COCH: variants seen among roughly 807,000 people sequenced by gnomAD.
COCH encodes coagulation factor C homolog, cochlin (Limulus polyphemus).
COCH carries 40 observed loss-of-function variants against 54.8 expected under a neutral mutation model. The observed-to-expected ratio is 0.73, with a 90% CI of 0.57 to 0.95. The LOEUF (loss-of-function observed/expected upper bound fraction) is 0.95. COCH is among the 40% of genes least tolerant of loss of function. COCH has a pLI of 0.00. For missense variants in COCH, 605 were observed against 675.0 expected, an observed-to-expected ratio of 0.90 and a Z score of 1.15; for synonymous variants, 256 against 237.9, an observed-to-expected ratio of 1.08 and a Z score of -0.70.
chr14:30,884,891 C>T (rs777482550), intron 9 of COCH: 4 of 1,580,142 alleles, frequency 2.5e-6, no homozygotes, highest in African/African-American at 2.7e-5. Context: ...TTAGAATTCT[C>T]ATACATTGGA....
downstream of COCH, among the ~76,000 whole-genome samples, chr14:30,893,548 C>T (rs547998085): frequency 1.3e-5 from 2 of 152,276 alleles, no homozygotes; most frequent in African/African-American, 4.8e-5. Flanking sequence ...GCAAATAGAA[C>T]AACACTGCCA....
At chr14:30,889,375 A>ATGACTTACCTGTT (rs1895903472) in intron 11 of COCH, 2 of 504,286 alleles carry the variant, frequency 4.0e-6, no homozygotes, top group Admixed American at 6.6e-5. Flanking sequence ...CTTATCAGTG[A>ATGACTTACCTGTT]TGACTTACCT....
At position 30,874,715 on chromosome 14, in the gene COCH, T is replaced by C. The variant is rs941492932; in HGVS notation, c.-24+124T>C. 3 of 620,538 alleles carry C rather than the reference T, an allele frequency of 4.8e-6. No individual in the cohort carries two copies. In the African/African-American group the frequency reaches 5.5e-5, roughly 11 times the overall value. 38.4% of individuals were successfully genotyped at this position (620,538 alleles called of 1,614,324 possible). ...CCCCCGCCTCCCCGCGGTGCGGGGT[T>C]GCACACCGATCCTGGGCTTCGCTCG... On this transcript the variant is annotated intron_variant, in intron 1 of 11. Coordinates refer to ENST00000396618, the MANE Select transcript of COCH (RefSeq NM_004086.3).
chr14:30,890,501 G>A lies in COCH; in HGVS notation c.*710G>A. ...CACCTAAGTACTTAAAAGTTAAGTT[G>A]GTAAAGTATTTACTGACTGCTTATA... On this transcript the variant is annotated 3_prime_UTR_variant, in exon 12 of 12. Coordinates refer to ENST00000396618, the MANE Select transcript of COCH (RefSeq NM_004086.3). 4 of 923,986 alleles carry A rather than the reference G, an allele frequency of 4.3e-6. No homozygotes were observed. The highest frequency in any genetic ancestry group is 5.2e-6 in the Non-Finnish European group (4 of 773,970). 57.2% of individuals were successfully genotyped at this position (923,986 alleles called of 1,614,324 possible). A position where few individuals can be genotyped will look rare whatever the true frequency, so the allele number is the denominator to read the frequency against.
chr14:30,884,653 A>G lies in COCH; in HGVS notation c.730A>G (p.Thr244Ala). 1 of 1,598,336 alleles carries G rather than the reference A, an allele frequency of 6.3e-7. No homozygotes were observed. Among genetic ancestry groups the G allele is most frequent in the Non-Finnish European group, 8.6e-7 (1 of 1,165,852 alleles). Residue 244 changes from threonine (T) to alanine (A), a missense_variant, in exon 9 of 12, where the codon ACA becomes GCA. Physicochemically the swap from Thr to Ala is moderately conservative, Grantham distance 58. Transcript: ENST00000396618. ...EVGFRGGNSN[T>A]GKALKHTAQK... is the part of the protein sequence containing the mutation. ...AGGTTTCAGAGGGGGTAATTCCAAT[A>G]CAGGTAAGTAGACTTTGATACCTGG...
intron 11 of COCH, among the ~76,000 whole-genome samples, chr14:30,886,818 A>G (rs1188905319): frequency 6.6e-6 from 1 of 152,196 alleles, no homozygotes; most frequent in African/African-American, 2.4e-5. Flanking sequence ...ATTGGGCTCA[A>G]GCAATCCTCC....
rs1230514875 is a variant in COCH, at chr14:30,877,483, T to C, written c.83-89T>C. 5.9e-6 allele frequency: 9 copies of C among 1,518,570 alleles called. No individual in the cohort carries two copies. Among genetic ancestry groups the C allele is most frequent in the Non-Finnish European group, 7.2e-6 (8 of 1,110,074 alleles). 94.1% of individuals were successfully genotyped at this position (1,518,570 alleles called of 1,614,324 possible). ...ACTAGAAGTGTAGAAATTAGGGAAGTAAAACTTAAATCTCACACTGTAGTC... is the reference window on the plus strand; with the variant it reads ...ACTAGAAGTGTAGAAATTAGGGAAGCAAAACTTAAATCTCACACTGTAGTC... On this transcript the variant is annotated intron_variant, in intron 3 of 11. Transcript: ENST00000396618. The surrounding 1 kb of genome is among the most constrained non-coding windows in gnomAD (Gnocchi z 8.6).
rs753497544 is a variant in COCH, at chr14:30,885,061, G to A, written c.734-333G>A. Reference sequence around the variant, plus strand: ...TTAGAGGTACTAATCAGTCACCAAAGGGCTACATAGAGAGCACATGCATGG... The same window carrying A: ...TTAGAGGTACTAATCAGTCACCAAAAGGCTACATAGAGAGCACATGCATGG... On this transcript the variant is annotated intron_variant, in intron 9 of 11. Coordinates refer to ENST00000396618, the MANE Select transcript of COCH (RefSeq NM_004086.3). 1.1e-5 allele frequency: 17 copies of A among 1,590,046 alleles called. No homozygotes were observed. The South Asian group carries it at 1.9e-4, about 18-fold the overall frequency.
intron 4 of COCH, among the ~76,000 whole-genome samples, chr14:30,878,458 C>T (rs949391813): frequency 7.2e-5 from 11 of 151,990 alleles, no homozygotes; most frequent in African/African-American, 2.4e-4. Flanking sequence ...GTCAGGAGTT[C>T]GAGACCTAGC....
rs530652156 is a variant in COCH, at chr14:30,874,828, C to T, written c.-23-88C>T. 856 of 1,298,156 alleles carry T rather than the reference C, an allele frequency of 6.6e-4. 11 individuals are homozygous for T. In the African/African-American group the frequency reaches 9.2e-3, roughly 14 times the overall value. 80.4% of individuals were successfully genotyped at this position (1,298,156 alleles called of 1,614,324 possible). ...TGTCCTCTCTCCTCTGCGCCGCGCC[C>T]GGGGATCCGAAGGGTGCGGGGCTCT... On this transcript the variant is annotated intron_variant, in intron 1 of 11. Coordinates refer to ENST00000396618, the MANE Select transcript of COCH (RefSeq NM_004086.3).
chr14:30,889,200 G>C (rs1895897173), intron 11 of COCH: 1 of 205,454 alleles, frequency 4.9e-6, no homozygotes, highest in Non-Finnish European at 9.9e-6. Flanking sequence ...TCTGACTCCA[G>C]TATACTGTTT....
At chr14:30,878,405 A>C (rs1895447431) in intron 4 of COCH, among the ~76,000 whole-genome samples, 2 of 152,190 alleles carry the variant, frequency 1.3e-5, no homozygotes, top group African/African-American at 2.4e-5. Flanking sequence ...TCACACCTGT[A>C]ATCCCACCAC....
downstream of COCH, among the ~76,000 whole-genome samples, chr14:30,893,585 T>A (rs1422178889): frequency 1.3e-5 from 2 of 152,222 alleles, no homozygotes; most frequent in Non-Finnish European, 2.9e-5. Context: ...TTTAATAATG[T>A]AACAGGATGT....
At chr14:30,879,194 C>A (rs185658727) in intron 5 of COCH, among the ~76,000 whole-genome samples, 2 of 152,118 alleles carry the variant, frequency 1.3e-5, no homozygotes, top group Non-Finnish European at 2.9e-5. Flanking sequence ...TCAGAATGCC[C>A]GGACACTTAC....
At chr14:30,888,709 T>G (rs367863455) in intron 11 of COCH, among the ~76,000 whole-genome samples, 15 of 151,478 alleles carry the variant, frequency 9.9e-5, no homozygotes, top group African/African-American at 3.6e-4. Context: ...GAGGATAGTT[T>G]GAGCCCAGGA....
chr14:30,893,794 C>T (rs914352694), downstream of COCH: 4 of 152,540 alleles, frequency 2.6e-5, no homozygotes, highest in African/African-American at 9.7e-5. Flanking sequence ...GAAGGACTCA[C>T]TAAGAAATCT....
chr14:30,890,033 G>C lies in COCH; in HGVS notation c.*242G>C. On this transcript the variant is annotated 3_prime_UTR_variant, in exon 12 of 12. Transcript: ENST00000396618. ...TCATGGCTCTTAGAAACTCAGGAAA[G>C]AGGAGATAATGTGGATTAAAACCTT... is the stretch of plus-strand genomic sequence containing the variant. 1 of 1,222,870 alleles carries C rather than the reference G, an allele frequency of 8.2e-7. No homozygotes were observed. Among genetic ancestry groups the C allele is most frequent in the East Asian group, 3.8e-5 (1 of 25,980 alleles). 75.8% of individuals were successfully genotyped at this position (1,222,870 alleles called of 1,614,324 possible).
chr14:30,890,962 C>A (rs763448961), downstream of COCH, among the ~76,000 whole-genome samples: 2 of 151,792 alleles, frequency 1.3e-5, no homozygotes, highest in Non-Finnish European at 2.9e-5. Context: ...CTGCTTGAGC[C>A]GAGGAGGTCA....
At chr14:30,875,219 C>G in intron 3 of COCH, 116 bp downstream of exon 3, 1 of 1,410,352 alleles carries the variant, frequency 7.1e-7, no homozygotes, top group Non-Finnish European at 9.6e-7. Flanking sequence ...AGGAGGAAGG[C>G]GCGAAGGTTG....
Sources: gnomAD v4.1 joint callset for allele counts (sites outside exome capture counted in the v4.1 genomes callset) on GRCh38, gnomAD v4.1.1 for gene constraint, Gnocchi (gnomAD v3.1) non-coding constraint, MANE v1.5 for transcripts, NCBI Gene and HGNC (gene_info 2026-07-23, HGNC 2026-07-21) for gene names.